DLG2: variants seen among roughly 807,000 people sequenced by gnomAD.
The protein encoded by DLG2 is disks large homolog 2.
DLG2 carries 45 observed loss-of-function variants against 132.5 expected under a neutral mutation model. The observed-to-expected ratio is 0.34, with a 90% CI of 0.27 to 0.44. The LOEUF (loss-of-function observed/expected upper bound fraction) is 0.44, where lower values mean the gene tolerates loss of function less well. DLG2 is among the 20% of genes least tolerant of loss of function. The pLI, the probability that DLG2 is intolerant of heterozygous loss-of-function variation, is 1.00. For missense variants in DLG2, 1,045 were observed against 1,196.9 expected (o/e 0.87, Z 1.87); for synonymous variants, 424 against 419.6 (o/e 1.01, Z -0.13).
At chr11:84,580,533 G>C (rs2099513914) in intron 6 of DLG2, among the ~76,000 whole-genome samples, 1 of 152,212 alleles carries the variant, frequency 6.6e-6, no homozygotes, top group Non-Finnish European at 1.5e-5. Flanking sequence ...TTGGGTCCCA[G>C]TGAGCAGCCC....
At chr11:84,532,991 C>A (rs1448793285) in intron 7 of DLG2, among the ~76,000 whole-genome samples, 2 of 152,172 alleles carry the variant, frequency 1.3e-5, no homozygotes, top group Non-Finnish European at 2.9e-5. Context: ...AGATTCTATA[C>A]TGAACACAGA....
chr11:85,445,564 C>A (rs950432292), intron 3 of DLG2, among the ~76,000 whole-genome samples: 17 of 152,128 alleles, frequency 1.1e-4, no homozygotes, highest in Admixed American at 7.9e-4. Context: ...CCTGTAATCC[C>A]AGCTACTCAG....
At chr11:83,891,463 G>T (rs1049997705) in intron 15 of DLG2, among the ~76,000 whole-genome samples, 2 of 152,172 alleles carry the variant, frequency 1.3e-5, no homozygotes, top group Admixed American at 1.3e-4. Context: ...CAAAGAAGAG[G>T]TCATGAGCGC....
chr11:84,323,329 A>G (rs2098414967), intron 7 of DLG2, among the ~76,000 whole-genome samples: 1 of 151,992 alleles, frequency 6.6e-6, no homozygotes, highest in South Asian at 2.1e-4. Flanking sequence ...CACTTAGCAT[A>G]TTGTCTTTAG....
intron 6 of DLG2, among the ~76,000 whole-genome samples, chr11:84,711,937 A>G (rs1200048793): frequency 6.6e-6 from 1 of 152,098 alleles, no homozygotes; most frequent in Non-Finnish European, 1.5e-5. Flanking sequence ...GCATTATACT[A>G]AATGAATATA....
intron 15 of DLG2, among the ~76,000 whole-genome samples, chr11:83,880,347 C>T (rs1028358425): frequency 6.6e-6 from 1 of 152,006 alleles, no homozygotes; most frequent in South Asian, 2.1e-4. Flanking sequence ...TTAATAAATG[C>T]CTAAACTTGA....
At chr11:84,980,445 G>GCCAAT (rs1419884559) in intron 6 of DLG2, among the ~76,000 whole-genome samples, 2 of 151,900 alleles carry the variant, frequency 1.3e-5, no homozygotes, top group Non-Finnish European at 2.9e-5. Flanking sequence ...CCCTATACAG[G>GCCAAT]CCAATCAACA....
chr11:85,534,796 A>G, intron 3 of DLG2, among the ~76,000 whole-genome samples: 1 of 152,180 alleles, frequency 6.6e-6, no homozygotes, highest in East Asian at 1.9e-4. Context: ...GCTGCAATAA[A>G]CATATGAGTG....
intron 3 of DLG2, among the ~76,000 whole-genome samples, chr11:85,583,653 C>G (rs2078773720): frequency 6.6e-6 from 1 of 152,142 alleles, no homozygotes; most frequent in African/African-American, 2.4e-5. Context: ...ATGAATACTC[C>G]TCATTCTCTA....
chr11:83,697,542 T>G (rs1432823051), intron 18 of DLG2, among the ~76,000 whole-genome samples: 1 of 152,150 alleles, frequency 6.6e-6, no homozygotes, highest in Non-Finnish European at 1.5e-5. Context: ...TTTTTTGAAC[T>G]CTCCTTAAGA....
intron 11 of DLG2, among the ~76,000 whole-genome samples, chr11:84,046,764 C>T (rs1378929340): frequency 6.6e-6 from 1 of 151,334 alleles, no homozygotes; most frequent in Non-Finnish European, 1.5e-5. Context: ...TAGAATTTTC[C>T]ATGTTTAAAA....
At chr11:84,215,510 A>AG (rs1016139620) in intron 8 of DLG2, among the ~76,000 whole-genome samples, 2 of 152,186 alleles carry the variant, frequency 1.3e-5, no homozygotes, top group African/African-American at 4.8e-5. Flanking sequence ...GAGGTCAAGA[A>AG]GGGGCTTTTT....
chr11:83,532,014 A>G (rs2095760850), intron 21 of DLG2, among the ~76,000 whole-genome samples: 1 of 152,110 alleles, frequency 6.6e-6, no homozygotes, highest in African/African-American at 2.4e-5. Flanking sequence ...ATGGGAGGTG[A>G]CTGTCAATGC....
chr11:84,893,911 C>T (rs2089819153), intron 6 of DLG2, among the ~76,000 whole-genome samples: 1 of 152,148 alleles, frequency 6.6e-6, no homozygotes, highest in African/African-American at 2.4e-5. Context: ...GAAGAAACAG[C>T]ATAGGCTTTA....
chr11:85,025,435 A>C (rs1032205831), intron 6 of DLG2, among the ~76,000 whole-genome samples: 2 of 152,208 alleles, frequency 1.3e-5, no homozygotes, highest in African/African-American at 4.8e-5. Context: ...AATAGATGCT[A>C]ATGGTTGTAA....
At position 84,733,075 on chromosome 11, in the gene DLG2, A is replaced by G. The variant is rs562135965; in HGVS notation, c.358-198344T>C. Among the ~76,000 whole-genome samples, 298 of 152,236 alleles carry G rather than the reference A, an allele frequency of 2.0e-3. 2 individuals are homozygous for G. The highest frequency in any genetic ancestry group is 7.0e-3 in the African/African-American group (292 of 41,510). On this transcript the variant is annotated intron_variant, in intron 6 of 27. Transcript: ENST00000376104. Reference sequence around the variant, plus strand: ...TTTGGGTTGGTTCCAAGTCTTTGCTATTGTGAATAGTGCCACAATAAACAT... The same window carrying G: ...TTTGGGTTGGTTCCAAGTCTTTGCTGTTGTGAATAGTGCCACAATAAACAT...
At chr11:84,183,189 C>CT (rs2096187650) in intron 8 of DLG2, among the ~76,000 whole-genome samples, 1 of 152,194 alleles carries the variant, frequency 6.6e-6, no homozygotes, top group Non-Finnish European at 1.5e-5. Context: ...CAATTATCTA[C>CT]AATCACTTCC....
At chr11:83,551,379 C>T (rs1293126329) in intron 19 of DLG2, among the ~76,000 whole-genome samples, 2 of 152,246 alleles carry the variant, frequency 1.3e-5, no homozygotes, top group South Asian at 2.1e-4. Context: ...AAAGCTAGTA[C>T]GGTCCCTAGC....
In DLG2 at chr11:83,923,577, G is replaced by A. The variant is rs148408352; in HGVS notation, c.1496+6751C>T. Among the ~76,000 whole-genome samples, 16 of 152,126 alleles carry A rather than the reference G, an allele frequency of 1.1e-4. No homozygotes were observed. The East Asian group carries it at 3.1e-3, about 29-fold the overall frequency. On this transcript the variant is annotated intron_variant, in intron 15 of 27. Coordinates refer to ENST00000376104, the MANE Select transcript of DLG2 (RefSeq NM_001142699.3). ...AGTTTTATGTTTAAGTGTACTTATT[G>A]TGGACAAGAGTGCTCATTCTGTCCA... is the stretch of plus-strand genomic sequence containing the variant.
Sources: gnomAD v4.1 joint callset for allele counts (sites outside exome capture counted in the v4.1 genomes callset) on GRCh38, gnomAD v4.1.1 for gene constraint, MANE v1.5 for transcripts, NCBI Gene and HGNC (gene_info 2026-07-23, HGNC 2026-07-21) for gene names.